KLRD1: variants seen among roughly 807,000 people sequenced by gnomAD.
KLRD1 encodes the protein killer cell lectin like receptor D1.
In KLRD1, 21 loss-of-function variants were observed where a neutral mutation model predicts 22.6. The ratio of observed to expected loss-of-function variants is 0.93; its 90% CI spans 0.66 to 1.34. KLRD1 has a LOEUF of 1.34. KLRD1 is among the 40% of genes most tolerant of loss of function. KLRD1 has a pLI of 0.00. For synonymous variants in KLRD1, 59 were observed against 71.1 expected (o/e 0.83, Z 0.85); for missense variants, 183 against 208.6 (o/e 0.88, Z 0.76).
chr12:10,266,874 G>GT lies in KLRD1; in HGVS notation c.-101+40646dup, dbSNP rs71049081. Among the ~76,000 whole-genome samples the GT allele has an allele frequency of 5.5e-5, 8 of 145,510 alleles. 1 individual carries two copies. Among genetic ancestry groups the GT allele is most frequent in the African/African-American group, 2.0e-4 (8 of 39,862 alleles). On this transcript the variant is annotated intron_variant, in intron 1 of 5. Transcript: ENST00000544747. ...ACTTACAGCCTTATTTCTTTTTTTT[G>GT]TTTTTGAGTTACATAATAATTCCAG...
At chr12:10,312,831 C>G (rs1416441535) in intron 4 of KLRD1, among the ~76,000 whole-genome samples, 2 of 150,904 alleles carry the variant, frequency 1.3e-5, no homozygotes, top group African/African-American at 4.9e-5. Context: ...ACTAAAAATA[C>G]AAAAAATTAG....
At position 10,324,843 on chromosome 12, in the gene KLRD1, T is replaced by TATA. The variant is rs60673819; in HGVS notation, c.*10050_*10051insATA. 3 of 141,864 alleles carry TATA rather than the reference T, an allele frequency of 2.1e-5. No individual in the cohort carries two copies. The highest frequency in any genetic ancestry group is 5.1e-5 in the African/African-American group (2 of 39,560). 8.8% of individuals were successfully genotyped at this position (141,864 alleles called of 1,614,324 possible). ...GTATATATATATATATATATATATA[T>TATA]TCATTTACACAGTTGATTCTAAGTG... On this transcript the variant is annotated 3_prime_UTR_variant, in exon 6 of 6. Transcript: ENST00000336164.
chr12:10,250,029 T>G (rs761691212), intron 1 of KLRD1, among the ~76,000 whole-genome samples: 39 of 152,180 alleles, frequency 2.6e-4, no homozygotes, highest in Non-Finnish European at 4.4e-4. Context: ...TTGTTGTACA[T>G]ACGTTGTCCG....
At position 10,325,522 on chromosome 12, in the gene KLRD1, A is replaced by G. The variant is rs1950352570; in HGVS notation, c.*10729A>G. On this transcript the variant is annotated 3_prime_UTR_variant, in exon 6 of 6. Coordinates refer to ENST00000336164, the MANE Select transcript of KLRD1 (RefSeq NM_002262.5). ...TATGCCCTTTGATTAACGACGTCCC[A>G]TTTTTTCCTCTCTCCATTCCTGGCA... The G allele has an allele frequency of 6.6e-6, 1 of 152,012 alleles. No homozygotes were observed. The highest frequency in any genetic ancestry group is 2.4e-5 in the African/African-American group (1 of 41,398). The allele number at this position is 152,012 out of a possible 1,614,324, so 9.4% of individuals were successfully genotyped here.
chr12:10,239,589 C>T (rs557749589), intron 1 of KLRD1, among the ~76,000 whole-genome samples: 107 of 107,842 alleles, frequency 9.9e-4, no homozygotes, highest in African/African-American at 3.6e-3. Context: ...CTTTCTTTTT[C>T]TTTCTTTCTT....
At chr12:10,282,742 C>A (rs961323769) in intron 1 of KLRD1, among the ~76,000 whole-genome samples, 5 of 152,116 alleles carry the variant, frequency 3.3e-5, no homozygotes, top group African/African-American at 4.8e-5. Flanking sequence ...TCAAGGAAGG[C>A]ATTCCAAAGG....
At chr12:10,267,465 A>T (rs1006169500) in intron 1 of KLRD1, among the ~76,000 whole-genome samples, 1 of 152,198 alleles carries the variant, frequency 6.6e-6, no homozygotes. Context: ...TACTATTCAA[A>T]AGCAGAAGAT....
At chr12:10,297,859 G>C (rs4764386) in intron 1 of KLRD1, among the ~76,000 whole-genome samples, 3 of 152,240 alleles carry the variant, frequency 2.0e-5, no homozygotes, top group Admixed American at 2.0e-4. Context: ...GACTTTCCCA[G>C]ATGAAATATA....
intron 1 of KLRD1, among the ~76,000 whole-genome samples, chr12:10,293,558 A>G (rs565995791): frequency 6.6e-6 from 1 of 152,278 alleles, no homozygotes; most frequent in Admixed American, 6.5e-5. Context: ...TTGCACCACA[A>G]ACCCATTTCA....
chr12:10,314,774 G>A lies in KLRD1; in HGVS notation c.521G>A (p.Cys174Tyr). The change falls in exon 6 of 6, where the codon TGT becomes TAT. Residue 174 changes from cysteine to tyrosine, a missense_variant. Cys to Tyr is a radical substitution (Grantham distance 194). Coordinates refer to ENST00000336164, the MANE Select transcript of KLRD1 (RefSeq NM_002262.5). ...ESCEDKNRYI[C>Y]KQQLI ...TGTGAAGATAAAAATCGTTATATCT[G>A]TAAGCAACAGCTCATTTAAATGTTT... is the stretch of plus-strand genomic sequence containing the variant. 6.2e-7 allele frequency: 1 copy of A among 1,606,162 alleles called. No individual in the cohort carries two copies. Among genetic ancestry groups the A allele is most frequent in the Non-Finnish European group, 8.5e-7 (1 of 1,177,642 alleles).
rs112520427 is a variant in KLRD1, at chr12:10,297,595, C to CA, written c.-100-10382dup. Among the ~76,000 whole-genome samples the CA allele has an allele frequency of 1.8e-3, 271 of 152,272 alleles. 3 individuals are homozygous for CA. The highest frequency in any genetic ancestry group is 6.2e-3 in the African/African-American group (256 of 41,548). ...CCGAGCCCGGTTTCAGCAACCCTAA[C>CA]ACTCTTTCAGGGTTGTCACTATGTT... On this transcript the variant is annotated intron_variant, in intron 1 of 5. Coordinates refer to the KLRD1 transcript ENST00000544747.
chr12:10,279,533 A>T (rs552817768), intron 1 of KLRD1, among the ~76,000 whole-genome samples: 1 of 152,346 alleles, frequency 6.6e-6, no homozygotes, highest in African/African-American at 2.4e-5. Flanking sequence ...ATAAATAGGC[A>T]GTATGACAGG....
chr12:10,259,989 A>G (rs1949436782), intron 1 of KLRD1, among the ~76,000 whole-genome samples: 1 of 152,204 alleles, frequency 6.6e-6, no homozygotes, highest in African/African-American at 2.4e-5. Flanking sequence ...AAACAAAAAA[A>G]AGATATTCTT....
intron 1 of KLRD1, among the ~76,000 whole-genome samples, chr12:10,243,248 C>T (rs932868237): frequency 6.6e-6 from 1 of 152,000 alleles, no homozygotes; most frequent in African/African-American, 2.4e-5. Flanking sequence ...TTTAATCATT[C>T]TACAATGTGT....
intron 1 of KLRD1, among the ~76,000 whole-genome samples, chr12:10,240,224 C>A (rs1254823825): frequency 6.6e-6 from 1 of 151,930 alleles, no homozygotes; most frequent in Non-Finnish European, 1.5e-5. Context: ...TCATGCTGGG[C>A]TAATTTTTGT....
chr12:10,293,870 T>A (rs1010529338), intron 1 of KLRD1, among the ~76,000 whole-genome samples: 1 of 152,250 alleles, frequency 6.6e-6, no homozygotes, highest in Admixed American at 6.5e-5. Flanking sequence ...TAAGCTATTT[T>A]TGTAACTTTT....
At chr12:10,286,535 C>T (rs960349905) in intron 1 of KLRD1, among the ~76,000 whole-genome samples, 1 of 152,096 alleles carries the variant, frequency 6.6e-6, no homozygotes, top group African/African-American at 2.4e-5. Flanking sequence ...TGAAACTACT[C>T]ACTTTTGACA....
chr12:10,324,816 GTGTATATA>G lies in KLRD1; in HGVS notation c.*10025_*10032del, dbSNP rs1291776744. The G allele has an allele frequency of 1.8e-4, 3 of 16,636 alleles. 1 individual carries two copies. Among genetic ancestry groups the G allele is most frequent in the East Asian group, 9.6e-3 (2 of 208 alleles). 1.0% of individuals were successfully genotyped at this position (16,636 alleles called of 1,614,324 possible). A position where few individuals can be genotyped will look rare whatever the true frequency, so the allele number is the denominator to read the frequency against. On this transcript the variant is annotated 3_prime_UTR_variant, in exon 6 of 6. Transcript: ENST00000336164. ...TAAGTATATATGTATATGTGTGTGT[GTGTATATA>G]TATATATATATATATATATTCATTT...
chr12:10,256,537 A>C (rs1467474958), intron 1 of KLRD1, among the ~76,000 whole-genome samples: 1 of 149,356 alleles, frequency 6.7e-6, no homozygotes, highest in African/African-American at 2.5e-5. Flanking sequence ...TAAAATTTTT[A>C]ACAACCTATT....
Sources: gnomAD v4.1 joint callset for allele counts (sites outside exome capture counted in the v4.1 genomes callset) on GRCh38, gnomAD v4.1.1 for gene constraint, MANE v1.5 for transcripts, NCBI Gene and HGNC (gene_info 2026-07-23, HGNC 2026-07-21) for gene names.